The following DZANK1 variants were observed in gnomAD, a reference collection of about 807,000 sequenced individuals.
DZANK1 encodes double zinc ribbon and ankyrin repeat domains 1, also known as double zinc ribbon and ankyrin repeat-containing protein 1.
In DZANK1, 91 loss-of-function variants were observed where a neutral mutation model predicts 94.5. That is an observed-to-expected ratio of 0.96 (90% CI 0.81 to 1.15). The LOEUF (loss-of-function observed/expected upper bound fraction) is 1.15. Ranked by LOEUF, DZANK1 falls within the 50% of genes most tolerant of loss-of-function variation. DZANK1 has a pLI of 0.00. For missense variants in DZANK1, 903 were observed against 916.4 expected (o/e 0.99, Z 0.19); for synonymous variants, 312 against 325.3 (o/e 0.96, Z 0.44).
Position 18,460,319 on chromosome 20 carries a change from A to G in DZANK1, c.110-13T>C. 1 of 1,498,454 alleles carries G rather than the reference A, an allele frequency of 6.7e-7. No homozygotes were observed. The highest frequency in any genetic ancestry group is 9.0e-7 in the Non-Finnish European group (1 of 1,107,064). 92.8% of individuals were successfully genotyped at this position (1,498,454 alleles called of 1,614,324 possible). On this transcript the variant is annotated splice_polypyrimidine_tract_variant and intron_variant, in intron 2 of 20. Coordinates refer to ENST00000262547, the Ensembl canonical transcript of DZANK1. ...ACATCTGGAGTGTCTGAAAAATCCA[A>G]AACAGGATAACTATAATTAACACCA...
intron 8 of DZANK1, among the ~76,000 whole-genome samples, chr20:18,434,907 A>G (rs2058457344): frequency 6.6e-6 from 1 of 152,182 alleles, no homozygotes; most frequent in South Asian, 2.1e-4. Context: ...TGTTTGGGGT[A>G]ATCGATGCAC....
chr20:18,413,382 T>C (rs541205042), intron 12 of DZANK1, among the ~76,000 whole-genome samples: 5 of 152,196 alleles, frequency 3.3e-5, no homozygotes, highest in Admixed American at 2.0e-4. Context: ...CAATTTCCAA[T>C]AGATGGCAGT....
chr20:18,447,682 A>T (rs1217614405), intron 7 of DZANK1, among the ~76,000 whole-genome samples: 3 of 152,080 alleles, frequency 2.0e-5, no homozygotes, highest in African/African-American at 7.2e-5. Context: ...ACCAAAGAAG[A>T]TGCATGGATG....
intron 19 of DZANK1, among the ~76,000 whole-genome samples, chr20:18,387,085 A>C (rs1167980239): frequency 1.3e-5 from 2 of 152,184 alleles, no homozygotes; most frequent in African/African-American, 4.8e-5. Context: ...GGTGGCATAG[A>C]GCTTAACTCT....
exon 16 of DZANK1, chr20:18,394,338 T>C: frequency 6.2e-7 from 1 of 1,613,648 alleles, no homozygotes; most frequent in Non-Finnish European, 8.5e-7. Context: ...ACTGCCTTGT[T>C]CAGGTAAAGG....
chr20:18,451,458 T>G (rs1283032125), intron 6 of DZANK1, among the ~76,000 whole-genome samples: 1 of 152,136 alleles, frequency 6.6e-6, no homozygotes, highest in African/African-American at 2.4e-5. Context: ...AACCTCTAAG[T>G]TGAGGACTTT....
intron 13 of DZANK1, among the ~76,000 whole-genome samples, chr20:18,402,344 A>G (rs766797105): frequency 1.3e-5 from 2 of 152,164 alleles, no homozygotes; most frequent in Non-Finnish European, 2.9e-5. Flanking sequence ...TCCCGATGAG[A>G]TCTCAGGAGT....
chr20:18,440,091 G>A (rs762083600), intron 8 of DZANK1, among the ~76,000 whole-genome samples: 7 of 152,312 alleles, frequency 4.6e-5, no homozygotes, highest in African/African-American at 9.6e-5. Flanking sequence ...ACATCAGGAA[G>A]GCAGCCGTCT....
At chr20:18,417,520 G>A (rs1268455429) in intron 10 of DZANK1, among the ~76,000 whole-genome samples, 1 of 149,534 alleles carries the variant, frequency 6.7e-6, no homozygotes, top group African/African-American at 2.4e-5. Context: ...ATTTTATGAT[G>A]AGAGAGTGAT....
chr20:18,454,472 T>G (rs1219737006), intron 4 of DZANK1: 2 of 169,596 alleles, frequency 1.2e-5, no homozygotes. Flanking sequence ...GACCAAGACC[T>G]CTGGGTTGGC....
intron 9 of DZANK1, 140 bp from the exon 10 acceptor site, chr20:18,427,299 G>C (rs1294300847): frequency 5.6e-6 from 3 of 531,520 alleles, no homozygotes; most frequent in Non-Finnish European, 9.7e-6. Flanking sequence ...ATTGGTTTAG[G>C]AGTTACTGTA....
chr20:18,438,608 A>G (rs959741751), intron 8 of DZANK1, among the ~76,000 whole-genome samples: 1 of 152,268 alleles, frequency 6.6e-6, no homozygotes, highest in Admixed American at 6.5e-5. Context: ...TTTGGGGATG[A>G]TAAGAAGGTC....
intron 10 of DZANK1, among the ~76,000 whole-genome samples, chr20:18,425,867 G>A (rs1372587774): frequency 6.6e-6 from 1 of 152,196 alleles, no homozygotes; most frequent in Non-Finnish European, 1.5e-5. Context: ...GGAAGTTTGA[G>A]GCTACCAGAA....
At chr20:18,431,231 A>G (rs1214479703) in intron 9 of DZANK1, among the ~76,000 whole-genome samples, 1 of 146,018 alleles carries the variant, frequency 6.8e-6, no homozygotes, top group Non-Finnish European at 1.5e-5. Context: ...ATCCCGGCAG[A>G]AAAAAAAAAA....
intron 12 of DZANK1, chr20:18,413,099 T>C: frequency 1.8e-6 from 1 of 556,356 alleles, no homozygotes; most frequent in Non-Finnish European, 3.2e-6. Context: ...TTTGCCGGCC[T>C]GCTTGATGCC....
At chr20:18,449,116 T>C (rs775298887) in intron 6 of DZANK1, 47 bp from the exon 7 acceptor site, 8 of 1,476,218 alleles carry the variant, frequency 5.4e-6, no homozygotes, top group East Asian at 4.5e-5. Context: ...ATAGTCAAAA[T>C]AACATGGTAA....
At chr20:18,450,375 T>A (rs2059057844) in intron 6 of DZANK1, among the ~76,000 whole-genome samples, 1 of 151,960 alleles carries the variant, frequency 6.6e-6, no homozygotes, top group Non-Finnish European at 1.5e-5. Flanking sequence ...ACATAGTGAA[T>A]CCCCATCTCT....
chr20:18,390,583 A>T, intron 17 of DZANK1, 124 bp from the exon 18 acceptor site: 1 of 801,226 alleles, frequency 1.2e-6, no homozygotes. Flanking sequence ...TGCATGTGTG[A>T]GTGTGTGAGT....
intron 8 of DZANK1, among the ~76,000 whole-genome samples, chr20:18,437,393 A>G (rs1191379003): frequency 6.6e-6 from 1 of 152,156 alleles, no homozygotes; most frequent in Non-Finnish European, 1.5e-5. Flanking sequence ...AGCCTGGCCA[A>G]TATGGTGAAG....
Sources: gnomAD v4.1 joint callset for allele counts (sites outside exome capture counted in the v4.1 genomes callset) on GRCh38, gnomAD v4.1.1 for gene constraint, MANE v1.5 for transcripts, NCBI Gene and HGNC (gene_info 2026-07-23, HGNC 2026-07-21) for gene names.